The following ZNF248 variants were observed in gnomAD, a reference collection of about 807,000 sequenced individuals.
ZNF248 encodes zinc finger protein 248, also known as KRAB protein domain.
ZNF248 carries 20 observed loss-of-function variants against 44.3 expected under a neutral mutation model. The observed-to-expected ratio is 0.45, with a 90% CI of 0.32 to 0.66. The LOEUF (loss-of-function observed/expected upper bound fraction) is 0.66, where lower values mean the gene tolerates loss of function less well. ZNF248 is among the 30% of genes least tolerant of loss of function. The probability of loss-of-function intolerance (pLI) is 0.04; values close to 1 mark genes in which losing one functional copy is unlikely to be tolerated. For synonymous variants in ZNF248, 224 were observed against 229.0 expected (o/e 0.98, Z 0.20); for missense variants, 654 against 677.0 (o/e 0.97, Z 0.38).
chr10:37,759,537 C>T, the ZNF248 span, among the ~76,000 whole-genome samples: 1 of 152,208 alleles, frequency 6.6e-6, no homozygotes, highest in South Asian at 2.1e-4. Flanking sequence ...ATCACCCAGA[C>T]ACTCACCCTG....
At chr10:37,819,433 ATTT>A in intron 6 of ZNF248, 1 of 1,574,352 alleles carries the variant, frequency 6.4e-7, no homozygotes, top group Non-Finnish European at 8.7e-7. Flanking sequence ...TCCAGTTTTT[ATTT>A]AACTGGTGAA....
downstream of ZNF248, chr10:37,828,721 A>AT (rs1454716114): frequency 6.1e-6 from 6 of 985,334 alleles, no homozygotes; most frequent in Non-Finnish European, 7.2e-6. Flanking sequence ...CATAATAAAA[A>AT]TGTATCAAAC....
chr10:37,760,097 AG>A, the ZNF248 span, among the ~76,000 whole-genome samples: 1 of 152,316 alleles, frequency 6.6e-6, no homozygotes, highest in Admixed American at 6.5e-5. Context: ...TTTACACCTC[AG>A]GGTAATGCAA....
intron 3 of ZNF248, among the ~76,000 whole-genome samples, chr10:37,852,248 A>G (rs1427206054): frequency 7.0e-6 from 1 of 141,890 alleles, no homozygotes; most frequent in Non-Finnish European, 1.6e-5. Context: ...ACTCCACCTC[A>G]AAAAAAAAAA....
intron 6 of ZNF248, among the ~76,000 whole-genome samples, chr10:37,802,147 C>T (rs1163459967): frequency 6.6e-6 from 1 of 152,146 alleles, no homozygotes; most frequent in African/African-American, 2.4e-5. Flanking sequence ...ATTTTAATTT[C>T]TGTTCCCTTA....
chr10:37,840,963 A>G (rs2058232851), intron 3 of ZNF248, among the ~76,000 whole-genome samples: 3 of 152,186 alleles, frequency 2.0e-5, no homozygotes, highest in African/African-American at 7.2e-5. Flanking sequence ...ACACAGCCTC[A>G]TGGCCAAGCT....
At chr10:37,811,282 G>A (rs1353275967) in intron 6 of ZNF248, among the ~76,000 whole-genome samples, 3 of 152,118 alleles carry the variant, frequency 2.0e-5, no homozygotes, top group African/African-American at 7.2e-5. Flanking sequence ...TGCCACAGGT[G>A]CAAAAACTTT....
chr10:37,836,092 A>G (rs2057106880), intron 5 of ZNF248, among the ~76,000 whole-genome samples: 1 of 152,038 alleles, frequency 6.6e-6, no homozygotes, highest in African/African-American at 2.4e-5. Flanking sequence ...CTCATACCCA[A>G]TCTGAAAGCA....
intron 5 of ZNF248, 21 bp from the exon 6 acceptor site, chr10:37,833,137 C>G (rs1003036038): frequency 1.9e-6 from 3 of 1,560,822 alleles, no homozygotes; most frequent in Non-Finnish European, 2.6e-6. Flanking sequence ...GAAAAATAAC[C>G]ACATCTTATG....
chr10:37,832,277 T>A lies in ZNF248; in HGVS notation c.1078A>T (p.Asn360Tyr). 1 of 1,614,062 alleles carries A rather than the reference T, an allele frequency of 6.2e-7. No homozygotes were observed. The highest frequency in any genetic ancestry group is 1.1e-5 in the South Asian group (1 of 91,088). ...GTAAGATGTGACTTCTTGCTGAAAT[T>A]ACTCCCATTTTCATTGTAATCATAA... is the stretch of plus-strand genomic sequence containing the variant. ...KSYDYNENGS[N>Y]FSKKSHLTQL... The change falls in exon 6 of 6, where the codon AAT becomes TAT. Residue 360 changes from asparagine to tyrosine, a missense_variant. Asn to Tyr is a moderately radical substitution (Grantham distance 143). Coordinates refer to ENST00000395867, the MANE Select transcript of ZNF248 (RefSeq NM_021045.3).
chr10:37,765,640 G>A, the ZNF248 span, among the ~76,000 whole-genome samples: 2 of 152,192 alleles, frequency 1.3e-5, no homozygotes, highest in African/African-American at 4.8e-5. Flanking sequence ...ATGCACACTG[G>A]AAGGGAGCCA....
At chr10:37,820,385 C>T in intron 6 of ZNF248, 1 of 1,480,552 alleles carries the variant, frequency 6.8e-7, no homozygotes, top group South Asian at 1.1e-5. Context: ...GTTTTGTTAG[C>T]ATTGCTGACA....
Position 37,831,348 on chromosome 10 carries a change from T to C in ZNF248, c.*267A>G, listed in dbSNP as rs1479605715. ...GGGTATAAATAAATATTGTCCATTA[T>C]ATTTGCAACAAAATTTTGGTATCAC... On this transcript the variant is annotated 3_prime_UTR_variant, in exon 6 of 6. Transcript: ENST00000395867. 6.5e-7 allele frequency: 1 copy of C among 1,547,690 alleles called. No individual in the cohort carries two copies. The highest frequency in any genetic ancestry group is 1.2e-5 in the South Asian group (1 of 83,352).
intron 6 of ZNF248, among the ~76,000 whole-genome samples, chr10:37,807,277 T>C (rs2050720609): frequency 1.3e-5 from 2 of 148,634 alleles, no homozygotes; most frequent in Admixed American, 1.4e-4. Flanking sequence ...TCTGTCTTTA[T>C]AGCAGCACCA....
the ZNF248 span, among the ~76,000 whole-genome samples, chr10:37,766,746 C>CACCAGCA: frequency 6.6e-6 from 1 of 152,218 alleles, no homozygotes; most frequent in Admixed American, 6.5e-5. Flanking sequence ...CACAGCTCCT[C>CACCAGCA]ACCAGCAACG....
Position 37,831,748 on chromosome 10 carries a change from G to C in ZNF248, c.1607C>G (p.Thr536Ser). 2 of 1,613,292 alleles carry C rather than the reference G, an allele frequency of 1.2e-6. No individual in the cohort carries two copies. Among genetic ancestry groups the C allele is most frequent in the Non-Finnish European group, 1.7e-6 (2 of 1,179,348 alleles). ...GKTFCEKSALTKHQRTHTGEK... is the reference protein window; with the variant it reads ...GKTFCEKSALSKHQRTHTGEK... ...CCCTGTGTGAGTCCTCTGATGTTTA[G>C]TGAGAGCTGATTTTTCACAGAAGGT... Residue 536 changes from threonine (T) to serine (S), a missense_variant, in exon 6 of 6, where the codon ACT becomes AGT. By Grantham distance (58) the Thr-to-Ser change is moderately conservative. Transcript: ENST00000395867.
chr10:37,849,988 T>C (rs1285666745), intron 3 of ZNF248, among the ~76,000 whole-genome samples: 1 of 151,780 alleles, frequency 6.6e-6, no homozygotes, highest in African/African-American at 2.4e-5. Flanking sequence ...GGAGAATTGC[T>C]TGAACCTGGG....
downstream of ZNF248, among the ~76,000 whole-genome samples, chr10:37,824,077 T>C (rs1288291213): frequency 1.3e-5 from 2 of 152,118 alleles, no homozygotes; most frequent in African/African-American, 4.8e-5. Flanking sequence ...GGCTAGCAAG[T>C]CCCAAGATCT....
intron 5 of ZNF248, among the ~76,000 whole-genome samples, chr10:37,834,633 C>A (rs1431483657): frequency 6.6e-6 from 1 of 152,122 alleles, no homozygotes; most frequent in Non-Finnish European, 1.5e-5. Context: ...ATGAACAGGT[C>A]TAAGTTTTTG....
Sources: allele counts gnomAD v4.1 joint callset (sites outside exome capture counted in the v4.1 genomes callset), GRCh38; gene constraint gnomAD v4.1.1; transcripts MANE v1.5; gene names NCBI Gene and HGNC (gene_info 2026-07-23, HGNC 2026-07-21).